The following RANBP2 variants were observed in gnomAD, a reference collection of about 807,000 sequenced individuals.
The protein encoded by RANBP2 is E3 SUMO-protein ligase RanBP2.
A neutral mutation model predicts 303.6 loss-of-function variants in RANBP2; 57 were observed. The ratio of observed to expected loss-of-function variants is 0.19; its 90% CI spans 0.15 to 0.23. The LOEUF (loss-of-function observed/expected upper bound fraction) is 0.23. Ranked by LOEUF, RANBP2 falls within the 10% of genes least tolerant of loss-of-function variation. The probability of loss-of-function intolerance (pLI) is 1.00; values close to 1 mark genes in which losing one functional copy is unlikely to be tolerated. For missense variants in RANBP2, 3,138 were observed against 3,780.8 expected (o/e 0.83, Z 4.46); for synonymous variants, 1,167 against 1,301.5 (o/e 0.90, Z 2.23).
chr2:109,129,010 C>G, the RANBP2 span: 2 of 424,262 alleles, frequency 4.7e-6, no homozygotes, highest in Non-Finnish European at 9.4e-6. Flanking sequence ...GGAAGAGGAA[C>G]GGTCCTGCTG....
the RANBP2 span, among the ~76,000 whole-genome samples, chr2:109,518,550 C>A: frequency 6.6e-6 from 1 of 152,212 alleles, no homozygotes; most frequent in African/African-American, 2.4e-5. Context: ...CTCTAAGAAC[C>A]ATTGCCTTGT....
chr2:108,953,735 G>A, the RANBP2 span, among the ~76,000 whole-genome samples: 5 of 152,072 alleles, frequency 3.3e-5, no homozygotes, highest in African/African-American at 7.2e-5. Context: ...GGCTGGTGGC[G>A]ATGGAAACAA....
At chr2:109,209,986 C>A in the RANBP2 span, among the ~76,000 whole-genome samples, 5 of 152,204 alleles carry the variant, frequency 3.3e-5, no homozygotes, top group Non-Finnish European at 7.3e-5. Context: ...ACGCTCAGCC[C>A]CCCCAGTAAC....
chr2:109,192,640 T>C, the RANBP2 span, among the ~76,000 whole-genome samples: 2 of 152,150 alleles, frequency 1.3e-5, no homozygotes, highest in African/African-American at 4.8e-5. Flanking sequence ...ATACAGAAGG[T>C]AATGCAAATA....
the RANBP2 span, among the ~76,000 whole-genome samples, chr2:109,688,266 C>A: frequency 6.6e-6 from 1 of 152,132 alleles, no homozygotes; most frequent in African/African-American, 2.4e-5. Context: ...GGGGTCCAGG[C>A]CTTGGCAACC....
chr2:109,569,374 T>A, the RANBP2 span, among the ~76,000 whole-genome samples: 1 of 148,214 alleles, frequency 6.7e-6, no homozygotes. Context: ...GAGGTTGCAG[T>A]GAGCCGAGAT....
the RANBP2 span, among the ~76,000 whole-genome samples, chr2:109,719,656 C>T: frequency 1.4e-3 from 206 of 151,366 alleles, 7 homozygotes; most frequent in East Asian, 0.031. Context: ...CCGCTAGCCT[C>T]GGCCTCCCAA....
chr2:109,043,253 T>G, the RANBP2 span, among the ~76,000 whole-genome samples: 2 of 152,264 alleles, frequency 1.3e-5, no homozygotes, highest in Non-Finnish European at 1.5e-5. Context: ...AATTTTGATT[T>G]CTTCATTACT....
At chr2:108,786,968 C>A, downstream of RANBP2, 1 of 1,256,528 alleles carries the variant, frequency 8.0e-7, no homozygotes, top group Non-Finnish European at 1.1e-6. Flanking sequence ...GGGGGGCGGC[C>A]CGCTCCGTGC....
the RANBP2 span, chr2:108,910,635 T>TCTG: frequency 9.4e-6 from 13 of 1,377,406 alleles, no homozygotes; most frequent in South Asian, 1.5e-4. Context: ...CTGCCCGGTG[T>TCTG]CTGTGTGGCA....
the RANBP2 span, chr2:108,910,941 C>T: frequency 3.1e-5 from 50 of 1,613,940 alleles, no homozygotes; most frequent in Middle Eastern, 3.3e-4. Flanking sequence ...GCATGGGGGC[C>T]GTCACCTGGG....
At chr2:109,419,547 C>T in the RANBP2 span, 1 of 1,595,354 alleles carries the variant, frequency 6.3e-7, no homozygotes, top group East Asian at 2.3e-5. Context: ...AGGATGTCTC[C>T]TCCTCGGCGG....
At chr2:109,225,312 G>C in the RANBP2 span, among the ~76,000 whole-genome samples, 5 of 152,346 alleles carry the variant, frequency 3.3e-5, no homozygotes, top group African/African-American at 9.6e-5. Context: ...ATTGTACTCA[G>C]CTGGGTGGAG....
chr2:109,052,644 C>A, the RANBP2 span, among the ~76,000 whole-genome samples: 2 of 152,260 alleles, frequency 1.3e-5, no homozygotes, highest in South Asian at 4.1e-4. Flanking sequence ...ACACGAGCAA[C>A]AAAGCTGAGG....
the RANBP2 span, chr2:109,251,469 G>T: frequency 2.7e-6 from 2 of 734,706 alleles, no homozygotes; most frequent in Non-Finnish European, 5.1e-6. Flanking sequence ...TGGACAAGAA[G>T]TTGTCATTGA....
At chr2:109,061,641 A>C in the RANBP2 span, among the ~76,000 whole-genome samples, 26,701 of 152,178 alleles carry the variant, frequency 0.18, 2,410 homozygotes, top group African/African-American at 0.21. Context: ...TGCAATAATA[A>C]GTGCAATAAT....
At chr2:109,251,519 C>T in the RANBP2 span, 2 of 745,184 alleles carry the variant, frequency 2.7e-6, no homozygotes, top group African/African-American at 1.7e-5. Flanking sequence ...ATATTGTGGT[C>T]ATTTGGTCCC....
At chr2:109,382,167 G>A in the RANBP2 span, among the ~76,000 whole-genome samples, 2 of 152,226 alleles carry the variant, frequency 1.3e-5, no homozygotes, top group Non-Finnish European at 2.9e-5. Flanking sequence ...TTGTTAGGGA[G>A]TTTAGCAAGA....
the RANBP2 span, among the ~76,000 whole-genome samples, chr2:109,671,638 G>T: frequency 6.6e-6 from 1 of 152,130 alleles, no homozygotes; most frequent in African/African-American, 2.4e-5. Flanking sequence ...AAATTTAAGG[G>T]GTGACAATTT....
Sources: allele counts gnomAD v4.1 joint callset (sites outside exome capture counted in the v4.1 genomes callset), GRCh38; gene constraint gnomAD v4.1.1; transcripts MANE v1.5; gene names NCBI Gene and HGNC (gene_info 2026-07-23, HGNC 2026-07-21).